The following CCDC91 variants were observed in gnomAD, a reference collection of about 807,000 sequenced individuals.
CCDC91 encodes coiled-coil domain-containing protein 91.
CCDC91 carries 48 observed loss-of-function variants against 63.2 expected under a neutral mutation model. The observed-to-expected ratio is 0.76, with a 90% CI of 0.60 to 0.97. The LOEUF is 0.97. Among genes scored for constraint, CCDC91 ranks in the 50% least tolerant of loss-of-function variants. The pLI is 0.00. For missense variants in CCDC91, 500 were observed against 494.6 expected (o/e 1.01, Z -0.10); for synonymous variants, 167 against 165.8 (o/e 1.01, Z -0.06).
chr12:28,269,482 C>A (rs1372305871), intron 3 of CCDC91, among the ~76,000 whole-genome samples: 1 of 152,104 alleles, frequency 6.6e-6, no homozygotes, highest in Non-Finnish European at 1.5e-5. Flanking sequence ...AAGCCACCAT[C>A]ATATCTTTCT....
At chr12:28,486,818 C>T (rs558235900) in intron 12 of CCDC91, among the ~76,000 whole-genome samples, 157 of 152,058 alleles carry the variant, frequency 1.0e-3, no homozygotes, top group Non-Finnish European at 1.9e-3. Context: ...GCCAAGAAAC[C>T]GTGACATTAG....
At chr12:28,296,478 G>T (rs1037860390) in intron 3 of CCDC91, among the ~76,000 whole-genome samples, 1 of 151,782 alleles carries the variant, frequency 6.6e-6, no homozygotes, top group Non-Finnish European at 1.5e-5. Context: ...TATCAATGAT[G>T]TAATCATTTT....
Position 28,332,002 on chromosome 12 carries a change from ATTGT to A in CCDC91, c.576+24256_576+24259del, listed in dbSNP as rs796156644. On this transcript the variant is annotated intron_variant, in intron 6 of 12. Coordinates refer to ENST00000536442, the MANE Select transcript of CCDC91 (RefSeq NM_018318.5). ...CAATCTTCAATCCTTCTTTAAAAGAATTGTTTATTTCCTTCATAGTCAGAAAATA... is the reference window on the plus strand; with the variant it reads ...CAATCTTCAATCCTTCTTTAAAAGAATTATTTCCTTCATAGTCAGAAAATA... 8.5e-4 allele frequency among the ~76,000 whole-genome samples: 129 copies of A among 152,294 alleles called. 3 individuals carry two copies. Among genetic ancestry groups the A allele is most frequent in the African/African-American group, 2.9e-3 (122 of 41,572 alleles).
At chr12:28,428,711 G>A (rs1304657759) in intron 8 of CCDC91, among the ~76,000 whole-genome samples, 3 of 151,260 alleles carry the variant, frequency 2.0e-5, no homozygotes, top group Non-Finnish European at 4.4e-5. Flanking sequence ...TATCTTTTAC[G>A]GAAATATATC....
chr12:28,263,221 T>A (rs181364760), intron 3 of CCDC91, among the ~76,000 whole-genome samples: 204 of 152,154 alleles, frequency 1.3e-3, no homozygotes, highest in Non-Finnish European at 2.1e-4. Flanking sequence ...CCTTAGCATA[T>A]GCTAATTTGT....
intron 1 of CCDC91, among the ~76,000 whole-genome samples, chr12:28,206,841 A>G (rs1585682): frequency 0.26 from 39,674 of 152,076 alleles, 5,447 homozygotes; most frequent in Non-Finnish European, 0.31. Context: ...ATTTCTAATC[A>G]TTGCCTCTTT....
chr12:28,315,113 A>G (rs1194636627), intron 6 of CCDC91, among the ~76,000 whole-genome samples: 3 of 151,684 alleles, frequency 2.0e-5, no homozygotes, highest in Non-Finnish European at 4.4e-5. Flanking sequence ...TTATATAGAA[A>G]GAACAACATG....
intron 3 of CCDC91, among the ~76,000 whole-genome samples, chr12:28,304,400 A>C (rs1938457238): frequency 6.5e-5 from 8 of 122,214 alleles, no homozygotes; most frequent in African/African-American, 2.3e-4. Context: ...AAAAAAAAAA[A>C]AGAAAAAAAA....
At chr12:28,290,231 A>T (rs2136762985) in intron 3 of CCDC91, among the ~76,000 whole-genome samples, 1 of 152,160 alleles carries the variant, frequency 6.6e-6, no homozygotes, top group East Asian at 1.9e-4. Flanking sequence ...ATCTTATTGA[A>T]TTGAGCCCTT....
At chr12:28,270,071 TTAA>T (rs1947646598) in intron 3 of CCDC91, among the ~76,000 whole-genome samples, 1 of 152,036 alleles carries the variant, frequency 6.6e-6, no homozygotes, top group Non-Finnish European at 1.5e-5. Context: ...AATAATTTCA[TTAA>T]TAATGAAAAT....
At chr12:28,413,207 A>AATAT (rs1947429779) in intron 8 of CCDC91, among the ~76,000 whole-genome samples, 1 of 152,158 alleles carries the variant, frequency 6.6e-6, no homozygotes, top group African/African-American at 2.4e-5. Context: ...ATATATATGA[A>AATAT]ATATACATGT....
intron 7 of CCDC91, among the ~76,000 whole-genome samples, chr12:28,370,040 T>G (rs1944517629): frequency 6.6e-6 from 1 of 152,240 alleles, no homozygotes; most frequent in Non-Finnish European, 1.5e-5. Context: ...ATCTTCCCAC[T>G]GTTTTGGCTA....
In CCDC91 at chr12:28,335,418, T is replaced by A. The variant is rs536156245; in HGVS notation, c.577-27020T>A. 4.5e-4 allele frequency among the ~76,000 whole-genome samples: 64 copies of A among 141,508 alleles called. 2 individuals are homozygous for A. The highest frequency in any genetic ancestry group is 3.4e-3 in the South Asian group (16 of 4,718). The allele number at this position is 141,508 out of a possible 152,430, so 92.8% of individuals were successfully genotyped here. On this transcript the variant is annotated intron_variant, in intron 6 of 12. Coordinates refer to ENST00000536442, the MANE Select transcript of CCDC91 (RefSeq NM_018318.5). The stretch of plus-strand genomic sequence containing the variant: ...TTATGTATATATAAATATATAAAAA[T>A]ACATATATATATATTTGAGACCAGG...
At chr12:28,496,522 C>T (rs1952292125) in intron 12 of CCDC91, among the ~76,000 whole-genome samples, 1 of 151,538 alleles carries the variant, frequency 6.6e-6, no homozygotes, top group Admixed American at 6.6e-5. Context: ...AATCAGAAAA[C>T]ATTACAAATG....
intron 11 of CCDC91, among the ~76,000 whole-genome samples, chr12:28,462,246 G>A (rs1042893059): frequency 1.3e-5 from 2 of 152,062 alleles, no homozygotes; most frequent in Admixed American, 6.6e-5. Context: ...GAACATGAGA[G>A]TGTTATTATC....
intron 8 of CCDC91, among the ~76,000 whole-genome samples, chr12:28,407,333 C>A (rs559946320): frequency 1.3e-5 from 2 of 152,234 alleles, no homozygotes; most frequent in East Asian, 3.9e-4. Flanking sequence ...ATCAATCGAC[C>A]ATATATATGT....
intron 7 of CCDC91, among the ~76,000 whole-genome samples, chr12:28,383,609 C>A (rs954579016): frequency 6.6e-6 from 1 of 151,952 alleles, no homozygotes; most frequent in Admixed American, 6.6e-5. Flanking sequence ...GGCTGGGCTG[C>A]GGGAGACCAT....
intron 1 of CCDC91, among the ~76,000 whole-genome samples, chr12:28,214,648 G>A (rs936020472): frequency 2.6e-5 from 4 of 151,922 alleles, no homozygotes; most frequent in African/African-American, 9.7e-5. Flanking sequence ...AAGATAGTTC[G>A]ACTATATATA....
At chr12:28,268,043 A>C (rs1053304680) in intron 3 of CCDC91, among the ~76,000 whole-genome samples, 26 of 137,616 alleles carry the variant, frequency 1.9e-4, no homozygotes, top group African/African-American at 6.6e-4. Context: ...TATTAATTAA[A>C]AATTAAAAAT....
Sources: gnomAD v4.1 joint callset for allele counts (sites outside exome capture counted in the v4.1 genomes callset) on GRCh38, gnomAD v4.1.1 for gene constraint, MANE v1.5 for transcripts, NCBI Gene and HGNC (gene_info 2026-07-23, HGNC 2026-07-21) for gene names.